Variants in CRYBB1 observed in about 807,000 individuals in gnomAD.
CRYBB1 encodes the protein beta-crystallin B1.
In CRYBB1, 16 loss-of-function variants were observed where a neutral mutation model predicts 29.5. That is an observed-to-expected ratio of 0.54 (90% CI 0.37 to 0.82). The LOEUF is 0.82. Ranked by LOEUF, CRYBB1 falls within the 40% of genes least tolerant of loss-of-function variation. The pLI is 0.00. For synonymous variants in CRYBB1, 127 were observed against 136.7 expected (o/e 0.93, Z 0.49); for missense variants, 300 against 350.5 (o/e 0.86, Z 1.15).
intron 2 of CRYBB1, 27 bp from the exon 3 acceptor site, chr22:26,612,217 G>C (rs181198634): frequency 1.3e-6 from 2 of 1,515,418 alleles, no homozygotes; most frequent in Middle Eastern, 1.7e-4. Context: ...CCCATGCCAA[G>C]GGCAGAGTGA....
intron 3 of CRYBB1, among the ~76,000 whole-genome samples, chr22:26,608,707 C>G (rs1929062179): frequency 6.6e-6 from 1 of 151,944 alleles, no homozygotes; most frequent in African/African-American, 2.4e-5. Flanking sequence ...GAACGACAGT[C>G]TCGGAGGTAC....
intron 4 of CRYBB1, 55 bp downstream of exon 4, chr22:26,607,828 GACTTAC>G: frequency 6.2e-7 from 1 of 1,611,892 alleles, no homozygotes; most frequent in Non-Finnish European, 8.5e-7. Flanking sequence ...TCAGATCTCA[GACTTAC>G]ACCTGCCCTG....
chr22:26,607,019 CTTTTTTTTTTTT>C (rs34126720), intron 4 of CRYBB1, among the ~76,000 whole-genome samples: 20 of 111,968 alleles, frequency 1.8e-4, no homozygotes, highest in African/African-American at 4.5e-4. Flanking sequence ...TATCCCTCTC[CTTTTTTTTTTTT>C]TTTTTTTTTG....
intron 4 of CRYBB1, 34 bp downstream of exon 4, chr22:26,607,855 C>T (rs745661485): frequency 6.2e-7 from 1 of 1,613,980 alleles, no homozygotes; most frequent in East Asian, 2.2e-5. Flanking sequence ...CCCCGCCTGG[C>T]TGATTCTCCA....
intron 3 of CRYBB1, 88 bp from the exon 4 acceptor site, chr22:26,608,109 C>G (rs1929043294): frequency 1.2e-6 from 2 of 1,603,988 alleles, no homozygotes; most frequent in Admixed American, 3.3e-5. Flanking sequence ...TCTCCCCTGG[C>G]AAGGCAGCCC....
chr22:26,601,947 G>A lies in CRYBB1; in HGVS notation c.507C>T (p.Asp169=), dbSNP rs549883505. 3.2e-5 allele frequency: 51 copies of A among 1,613,372 alleles called. No homozygotes were observed. Among genetic ancestry groups the A allele is most frequent in the Admixed American group, 1.3e-4 (8 of 60,002 alleles). The change falls in exon 5 of 6, where the codon GAC becomes GAT. Residue 169 remains aspartate, a synonymous_variant. Transcript: ENST00000647684. ...FKGNTIEIQG[D]DAPSLWVYGF... is the part of the protein sequence containing the mutation. ...CGTAGACCCAGAGACTGGGTGCGTC[G>A]TCCCCCTGGATCTCTATGGTGTTGC...
chr22:26,607,774 G>T, intron 4 of CRYBB1, 115 bp downstream of exon 4: 1 of 1,432,026 alleles, frequency 7.0e-7, no homozygotes, highest in South Asian at 1.2e-5. Context: ...CAACTCGGAG[G>T]CTGCCACGCC....
chr22:26,609,069 A>C (rs1461493254), intron 3 of CRYBB1, among the ~76,000 whole-genome samples: 1 of 152,172 alleles, frequency 6.6e-6, no homozygotes, highest in Non-Finnish European at 1.5e-5. Flanking sequence ...GAGACTAAGG[A>C]ACTCCTTGAC....
At chr22:26,613,180 C>T (rs1434404380) in intron 2 of CRYBB1, among the ~76,000 whole-genome samples, 1 of 152,242 alleles carries the variant, frequency 6.6e-6, no homozygotes, top group Non-Finnish European at 1.5e-5. Context: ...ATCTTCTCTC[C>T]TCACTAAGCC....
rs181661197 is a variant in CRYBB1 at position 26,608,146 on chromosome 22, G to A, written c.300-125C>T. ...GAGGACAGTAGGAAAGTCCAAAGGG[G>A]GCTGAACATGTCTGGGTTTGATTTT... On this transcript the variant is annotated intron_variant, in intron 3 of 5. Coordinates refer to ENST00000647684, the MANE Select transcript of CRYBB1 (RefSeq NM_001887.4). The A allele has an allele frequency of 1.0e-3, 1,408 of 1,376,474 alleles. 33 individuals are homozygous for A. The Admixed American group carries it at 0.024, about 23-fold the overall frequency. The allele number at this position is 1,376,474 out of a possible 1,614,324, so 85.3% of individuals were successfully genotyped here. A position where few individuals can be genotyped will look rare whatever the true frequency, so the allele number is the denominator to read the frequency against.
At chr22:26,605,573 C>T (rs913257502) in intron 4 of CRYBB1, among the ~76,000 whole-genome samples, 6 of 148,862 alleles carry the variant, frequency 4.0e-5, no homozygotes, top group African/African-American at 1.2e-4. Flanking sequence ...ACTTGGGAGG[C>T]TGAGGCAGGA....
In CRYBB1 at chr22:26,612,063, A is replaced by G. The variant is rs1490437210; in HGVS notation, c.299+9T>C. The G allele has an allele frequency of 6.3e-7, 1 of 1,599,932 alleles. No individual in the cohort carries two copies. The highest frequency in any genetic ancestry group is 8.6e-7 in the Non-Finnish European group (1 of 1,167,624). ...CAGAGAGTGTGCCCCTCCGCCGCCCAGTACTCACGGTCCCGCGGAGACAAT... is the reference window on the plus strand; with the variant it reads ...CAGAGAGTGTGCCCCTCCGCCGCCCGGTACTCACGGTCCCGCGGAGACAAT... On this transcript the variant is annotated intron_variant, in intron 3 of 5. Transcript: ENST00000647684.
intron 3 of CRYBB1, among the ~76,000 whole-genome samples, chr22:26,608,353 G>A (rs1307781728): frequency 2.0e-5 from 3 of 152,322 alleles, no homozygotes; most frequent in Middle Eastern, 3.4e-3. Context: ...CATGCTTCAA[G>A]TACTATCAGG....
At chr22:26,608,115 A>G in intron 3 of CRYBB1, 94 bp from the exon 4 acceptor site, 1 of 1,591,668 alleles carries the variant, frequency 6.3e-7, no homozygotes, top group South Asian at 1.1e-5. Flanking sequence ...CTGGCAAGGC[A>G]GCCCTGAGGA....
intron 2 of CRYBB1, among the ~76,000 whole-genome samples, chr22:26,614,969 G>A (rs911479432): frequency 3.3e-5 from 5 of 152,164 alleles, no homozygotes; most frequent in African/African-American, 1.2e-4. Flanking sequence ...CCTGGAGTTG[G>A]GGAGGAAAAT....
chr22:26,603,197 T>C (rs919638149), intron 4 of CRYBB1, among the ~76,000 whole-genome samples: 12 of 151,996 alleles, frequency 7.9e-5, no homozygotes, highest in African/African-American at 2.9e-4. Context: ...TTGGACATTT[T>C]ACTCTGCCTC....
At chr22:26,613,969 C>T (rs182967255) in intron 2 of CRYBB1, among the ~76,000 whole-genome samples, 6 of 152,082 alleles carry the variant, frequency 3.9e-5, no homozygotes, top group Admixed American at 2.0e-4. Flanking sequence ...CTCTTATGGT[C>T]GACGCTGCAG....
intron 4 of CRYBB1, among the ~76,000 whole-genome samples, chr22:26,606,084 A>G (rs191932222): frequency 6.6e-6 from 1 of 152,284 alleles, no homozygotes; most frequent in East Asian, 1.9e-4. Context: ...GCCCAAGACA[A>G]TTCTTCCAGC....
chr22:26,608,054 A>T (rs1337265671), intron 3 of CRYBB1, 33 bp from the exon 4 acceptor site: 2 of 1,613,860 alleles, frequency 1.2e-6, no homozygotes, highest in Non-Finnish European at 1.7e-6. Context: ...GGCAGACAGG[A>T]GACATATGGT....
Sources: gnomAD v4.1 joint callset for allele counts (sites outside exome capture counted in the v4.1 genomes callset) on GRCh38, gnomAD v4.1.1 for gene constraint, MANE v1.5 for transcripts, NCBI Gene and HGNC (gene_info 2026-07-23, HGNC 2026-07-21) for gene names.